CACNA2D4: variants seen among roughly 807,000 people sequenced by gnomAD.
CACNA2D4 encodes the protein calcium voltage-gated channel auxiliary subunit alpha2delta 4, also known as voltage-dependent calcium channel subunit alpha-2/delta-4.
In CACNA2D4, 157 loss-of-function variants were observed where a neutral mutation model predicts 163.8. That is an observed-to-expected ratio of 0.96 (90% CI 0.84 to 1.09). CACNA2D4 has a LOEUF of 1.09. Among genes scored for constraint, CACNA2D4 ranks in the 50% least tolerant of loss-of-function variants. The pLI is 0.00. For missense variants in CACNA2D4, 1,410 were observed against 1,479.9 expected (o/e 0.95, Z 0.78); for synonymous variants, 598 against 586.9 (o/e 1.02, Z -0.27).
chr12:1,860,279 C>A (rs759331127), intron 18 of CACNA2D4, 73 bp from the exon 19 acceptor site: 12 of 1,119,172 alleles, frequency 1.1e-5, no homozygotes, highest in Non-Finnish European at 1.5e-5. Context: ...GCCCCCAGGG[C>A]TCTTGGGGTC....
At chr12:1,817,765 C>T (rs1345219018) in intron 26 of CACNA2D4, among the ~76,000 whole-genome samples, 2 of 152,140 alleles carry the variant, frequency 1.3e-5, no homozygotes, top group Admixed American at 6.5e-5. Context: ...GGATTGCAGA[C>T]GGAGTCTGGT....
chr12:1,901,256 C>G (rs1235178843), intron 6 of CACNA2D4, among the ~76,000 whole-genome samples: 1 of 151,760 alleles, frequency 6.6e-6, no homozygotes. Flanking sequence ...AGTAGAAAAT[C>G]TTTAAATAAT....
At chr12:1,808,954 G>A (rs944300166) in intron 29 of CACNA2D4, among the ~76,000 whole-genome samples, 6 of 152,178 alleles carry the variant, frequency 3.9e-5, no homozygotes, top group Non-Finnish European at 7.4e-5. Context: ...CCAGGTGACC[G>A]TGATGCTCAA....
intron 28 of CACNA2D4, 89 bp from the exon 29 acceptor site, chr12:1,810,429 G>A (rs1394546167): frequency 7.3e-5 from 111 of 1,525,126 alleles, no homozygotes; most frequent in Non-Finnish European, 1.4e-5. Flanking sequence ...AGGCAGCGTG[G>A]GAGCTTCACT....
At chr12:1,912,245 T>C (rs1866842814) in intron 3 of CACNA2D4, among the ~76,000 whole-genome samples, 1 of 152,188 alleles carries the variant, frequency 6.6e-6, no homozygotes, top group African/African-American at 2.4e-5. Context: ...TACGAGTCCT[T>C]TCAGGGAGAG....
At chr12:1,819,789 C>G (rs1251557282) in intron 26 of CACNA2D4, among the ~76,000 whole-genome samples, 1 of 152,208 alleles carries the variant, frequency 6.6e-6, no homozygotes, top group Non-Finnish European at 1.5e-5. Context: ...GAGCAAGGAG[C>G]CCTGAGAAGC....
chr12:1,855,949 G>A lies in CACNA2D4; in HGVS notation c.2152+63C>T. 15 of 1,308,554 alleles carry A rather than the reference G, an allele frequency of 1.1e-5. No individual in the cohort carries two copies. In the Middle Eastern group the frequency reaches 9.6e-4, roughly 84 times the overall value. 81.1% of individuals were successfully genotyped at this position (1,308,554 alleles called of 1,614,324 possible). A position where few individuals can be genotyped will look rare whatever the true frequency, so the allele number is the denominator to read the frequency against. On this transcript the variant is annotated intron_variant, in intron 22 of 37. Coordinates refer to ENST00000382722, the MANE Select transcript of CACNA2D4 (RefSeq NM_172364.5). ...TCCCCCTGCCTTCCCACCTCTCCTG[G>A]CAAAGTCCTGAACTTCAGGGCCCCA... is the stretch of plus-strand genomic sequence containing the variant.
rs1272745667 is a variant in CACNA2D4, at chr12:1,799,279, T to C, written c.2995+396A>G. The stretch of plus-strand genomic sequence containing the variant: ...GACACAGGGTCCCGCAGGGGAATCA[T>C]CCTGAGAGCTTCCTGGGGCCCCTGG... On this transcript the variant is annotated intron_variant, in intron 34 of 37. Transcript: ENST00000382722. This position sits in a 1 kb window ranked among gnomAD's most constrained non-coding sequence, Gnocchi z 4.7. 6.6e-6 allele frequency among the ~76,000 whole-genome samples: 1 copy of C among 152,128 alleles called. No homozygotes were observed. The highest frequency in any genetic ancestry group is 2.4e-5 in the African/African-American group (1 of 41,422).
chr12:1,825,989 G>C (rs1298347691), intron 26 of CACNA2D4, among the ~76,000 whole-genome samples: 1 of 152,206 alleles, frequency 6.6e-6, no homozygotes, highest in Non-Finnish European at 1.5e-5. Flanking sequence ...CGTGCACGCT[G>C]CTGTTTGAAG....
chr12:1,823,077 T>C (rs1864174363), intron 26 of CACNA2D4, among the ~76,000 whole-genome samples: 1 of 152,094 alleles, frequency 6.6e-6, no homozygotes, highest in South Asian at 2.1e-4. Flanking sequence ...GACTCTTCCA[T>C]GCTGAGGGGT....
rs7954491 is a variant in CACNA2D4 at position 1,837,710 on chromosome 12, C to A, written c.2551+3029G>T. On this transcript the variant is annotated intron_variant, in intron 26 of 37. Coordinates refer to ENST00000382722, the MANE Select transcript of CACNA2D4 (RefSeq NM_172364.5). ...TCCATGGCAGAGCTGGGGTGTCCGC[C>A]TTCCCCAGGTGGTGATAAGTGTAGG... Among the ~76,000 whole-genome samples, 1,462 of 152,238 alleles carry A rather than the reference C, an allele frequency of 9.6e-3. 18 individuals are homozygous for A. The highest frequency in any genetic ancestry group is 0.034 in the African/African-American group (1,396 of 41,520).
intron 18 of CACNA2D4, among the ~76,000 whole-genome samples, chr12:1,870,856 C>T (rs1252848847): frequency 6.6e-6 from 1 of 152,024 alleles, no homozygotes; most frequent in Admixed American, 6.5e-5. Flanking sequence ...GCAATCTGCT[C>T]CTTTAATACA....
In CACNA2D4 at chr12:1,907,531, C is replaced by T; in HGVS notation, c.690G>A (p.Leu230=). Reference sequence around the variant, plus strand: ...GGAAGTTCTCCACGAAGACAGCATTCAAGGCTTCAGACATGTAGACTCCAT... The same window carrying T: ...GGAAGTTCTCCACGAAGACAGCATTTAAGGCTTCAGACATGTAGACTCCAT... ...ILNGVYMSEA[L]NAVFVENFQR... is the part of the protein sequence containing the mutation. Residue 230 remains leucine, a synonymous_variant, in exon 6 of 38, where the codon TTG becomes TTA. Transcript: ENST00000382722. The T allele has an allele frequency of 6.2e-7, 1 of 1,613,416 alleles. No individual in the cohort carries two copies. The highest frequency in any genetic ancestry group is 8.5e-7 in the Non-Finnish European group (1 of 1,179,432).
Position 1,791,989 on chromosome 12 carries a change from G to A in CACNA2D4, c.*1666C>T, listed in dbSNP as rs1054842357. The A allele has an allele frequency of 1.3e-5, 2 of 152,196 alleles. No homozygotes were observed. The highest frequency in any genetic ancestry group is 2.4e-5 in the African/African-American group (1 of 41,452). The allele number at this position is 152,196 out of a possible 1,614,324, so 9.4% of individuals were successfully genotyped here. On this transcript the variant is annotated 3_prime_UTR_variant, in exon 38 of 38. Coordinates refer to ENST00000382722, the MANE Select transcript of CACNA2D4 (RefSeq NM_172364.5). ...CGCAGTTAGCATGTATTTATTTAGC[G>A]TTTAGTATATGCCAGGCAGTTTCAA...
At chr12:1,893,209 A>G (rs1007859653) in intron 6 of CACNA2D4, among the ~76,000 whole-genome samples, 1 of 152,204 alleles carries the variant, frequency 6.6e-6, no homozygotes, top group Non-Finnish European at 1.5e-5. Flanking sequence ...AGCACATGAA[A>G]CATTCTCCAG....
intron 6 of CACNA2D4, among the ~76,000 whole-genome samples, chr12:1,895,873 A>T (rs1251612343): frequency 6.6e-6 from 1 of 152,146 alleles, no homozygotes; most frequent in African/African-American, 2.4e-5. Flanking sequence ...TCATGGCCTC[A>T]CATGATCCTC....
intron 4 of CACNA2D4, among the ~76,000 whole-genome samples, chr12:1,909,328 A>G (rs1158920921): frequency 6.6e-6 from 1 of 152,106 alleles, no homozygotes; most frequent in Non-Finnish European, 1.5e-5. Context: ...AGTAGCTGGG[A>G]CTACAAGCGC....
At chr12:1,813,861 A>C (rs928685019) in intron 26 of CACNA2D4, among the ~76,000 whole-genome samples, 1 of 152,182 alleles carries the variant, frequency 6.6e-6, no homozygotes, top group Admixed American at 6.5e-5. Context: ...GCACAGCGGC[A>C]GGTGAGGTGT....
At position 1,869,780 on chromosome 12, in the gene CACNA2D4, CCATTTCTCCGCTG is replaced by C. The variant is rs1565720283; in HGVS notation, c.1878+4811_1878+4823del. Among the ~76,000 whole-genome samples the C allele has an allele frequency of 7.2e-5, 11 of 152,348 alleles. No individual in the cohort carries two copies. The highest frequency in any genetic ancestry group is 2.6e-4 in the African/African-American group (11 of 41,580). On this transcript the variant is annotated intron_variant, in intron 18 of 37. Coordinates refer to ENST00000382722, the MANE Select transcript of CACNA2D4 (RefSeq NM_172364.5). The surrounding 1 kb of genome is among the most constrained non-coding windows in gnomAD (Gnocchi z 4.7). ...GCTCTGTTCTTTGACCAAGCCCTAACCATTTCTCCGCTGAGATTCTCCATCTGTTCCCTCATTA... is the reference window on the plus strand; with the variant it reads ...GCTCTGTTCTTTGACCAAGCCCTAACAGATTCTCCATCTGTTCCCTCATTA...
Sources: gnomAD v4.1 joint callset for allele counts (sites outside exome capture counted in the v4.1 genomes callset) on GRCh38, gnomAD v4.1.1 for gene constraint, Gnocchi (gnomAD v3.1) non-coding constraint, MANE v1.5 for transcripts, NCBI Gene and HGNC (gene_info 2026-07-23, HGNC 2026-07-21) for gene names.